Variants in RASGEF1A observed in about 807,000 individuals in gnomAD.
RASGEF1A encodes the protein ras-GEF domain-containing family member 1A.
A neutral mutation model predicts 56.4 loss-of-function variants in RASGEF1A; 18 were observed. The ratio of observed to expected loss-of-function variants is 0.32; its 90% CI spans 0.22 to 0.47. The LOEUF (loss-of-function observed/expected upper bound fraction) is 0.47. RASGEF1A is among the 20% of genes least tolerant of loss of function. RASGEF1A has a pLI of 1.00. For missense variants in RASGEF1A, 422 were observed against 627.1 expected (o/e 0.67, Z 3.49); for synonymous variants, 245 against 242.6 (o/e 1.01, Z -0.09).
At position 43,194,870 on chromosome 10, in the gene RASGEF1A, A is replaced by C. The variant is rs796271727; in HGVS notation, c.*1374T>G. 2 of 152,794 alleles carry C rather than the reference A, an allele frequency of 1.3e-5. No homozygotes were observed. The highest frequency in any genetic ancestry group is 4.8e-5 in the African/African-American group (2 of 41,588). The allele number at this position is 152,794 out of a possible 1,614,324, so 9.5% of individuals were successfully genotyped here. ...TACAATCTGTACTAGCTAGAACCTC[A>C]GAAAGTGCAAACACACTGTGACAAT... On this transcript the variant is annotated 3_prime_UTR_variant, in exon 13 of 13. Transcript: ENST00000395810.
At chr10:43,204,302 G>C (rs540365975) in intron 2 of RASGEF1A, among the ~76,000 whole-genome samples, 11 of 152,168 alleles carry the variant, frequency 7.2e-5, no homozygotes, top group Non-Finnish European at 1.3e-4. Flanking sequence ...CCAGAAGCAA[G>C]CCAGGTTGTG....
intron 1 of RASGEF1A, among the ~76,000 whole-genome samples, chr10:43,230,894 G>A (rs1840357649): frequency 6.6e-6 from 1 of 152,206 alleles, no homozygotes; most frequent in Admixed American, 6.5e-5. Context: ...GCTGTGCTGG[G>A]TTCATTCACT....
chr10:43,197,067 C>A lies in RASGEF1A; in HGVS notation c.1257G>T (p.Glu419Asp). 1 of 1,613,994 alleles carries A rather than the reference C, an allele frequency of 6.2e-7. No individual in the cohort carries two copies. Among genetic ancestry groups the A allele is most frequent in the Non-Finnish European group, 8.5e-7 (1 of 1,179,866 alleles). Residue 419 changes from glutamate to aspartate, a missense_variant, in exon 11 of 13, where the codon GAG (glutamate) becomes GAT (aspartate). Coordinates refer to ENST00000395810, the MANE Select transcript of RASGEF1A (RefSeq NM_145313.4). Reference sequence around the variant, plus strand: ...ACTCTACCTGTGTCCATGTCATGAACTCATGGATCTGTCTGGAGATCTCCC... The same window carrying A: ...ACTCTACCTGTGTCCATGTCATGAAATCATGGATCTGTCTGGAGATCTCCC... ...KFWEISRQIH[E>D]FMTWTQVECP...
chr10:43,247,456 A>T (rs1201965739), intron 1 of RASGEF1A, among the ~76,000 whole-genome samples: 3 of 152,252 alleles, frequency 2.0e-5, no homozygotes, highest in Admixed American at 6.5e-5. Context: ...AAACTTGTGC[A>T]CAAATGTTCA....
intron 5 of RASGEF1A, among the ~76,000 whole-genome samples, 156 bp downstream of exon 5, chr10:43,200,511 C>A (rs376930583): frequency 2.0e-5 from 3 of 152,204 alleles, no homozygotes; most frequent in African/African-American, 7.2e-5. Flanking sequence ...GCCACTCAGA[C>A]GGACACACAT....
intron 1 of RASGEF1A, chr10:43,207,747 C>T (rs1840016707): frequency 4.1e-6 from 4 of 976,980 alleles, no homozygotes; most frequent in African/African-American, 1.8e-5. Context: ...TAGCCCCAGA[C>T]CTGCTGGTCA....
intron 1 of RASGEF1A, among the ~76,000 whole-genome samples, chr10:43,247,348 C>CT (rs35456484): frequency 0.76 from 116,065 of 152,108 alleles, 44,438 homozygotes; most frequent in East Asian, 0.96. Context: ...AGAAAATGAT[C>CT]GGTATAGTTC....
In RASGEF1A at chr10:43,196,664, G is replaced by T; in HGVS notation, c.1349-116C>A. On this transcript the variant is annotated intron_variant, in intron 11 of 12. Coordinates refer to ENST00000395810, the MANE Select transcript of RASGEF1A (RefSeq NM_145313.4). This position sits in a 1 kb window ranked among gnomAD's most constrained non-coding sequence, Gnocchi z 4.6. ...GGGGACAGTGACCTCTGGCTGGGCT[G>T]AACACAGTTCTCTGCTGTGCGGGGC... The T allele has an allele frequency of 9.9e-7, 1 of 1,010,918 alleles. No homozygotes were observed. 62.6% of individuals were successfully genotyped at this position (1,010,918 alleles called of 1,614,324 possible). A position where few individuals can be genotyped will look rare whatever the true frequency, so the allele number is the denominator to read the frequency against.
intron 1 of RASGEF1A, among the ~76,000 whole-genome samples, chr10:43,232,946 G>A (rs1231109935): frequency 6.6e-6 from 1 of 152,172 alleles, no homozygotes; most frequent in Non-Finnish European, 1.5e-5. Flanking sequence ...TGAAGGCAGA[G>A]TCCTAACGAA....
chr10:43,258,587 T>C (rs1030288584), intron 1 of RASGEF1A, among the ~76,000 whole-genome samples: 3 of 152,210 alleles, frequency 2.0e-5, no homozygotes, highest in Non-Finnish European at 4.4e-5. Context: ...AGCTCAGTTT[T>C]GGTGGGCCGA....
intron 1 of RASGEF1A, among the ~76,000 whole-genome samples, chr10:43,245,821 A>C (rs1035679691): frequency 1.3e-5 from 2 of 152,194 alleles, no homozygotes; most frequent in Admixed American, 1.3e-4. Flanking sequence ...ATTGTAGAAG[A>C]CCAAAAGCTT....
intron 1 of RASGEF1A, among the ~76,000 whole-genome samples, chr10:43,219,795 T>C (rs1302340612): frequency 6.6e-6 from 1 of 152,176 alleles, no homozygotes; most frequent in Non-Finnish European, 1.5e-5. Context: ...ATAAAAGACA[T>C]ATGGTTCTTT....
chr10:43,221,297 G>A (rs1298824727), intron 1 of RASGEF1A, among the ~76,000 whole-genome samples: 1 of 152,198 alleles, frequency 6.6e-6, no homozygotes, highest in African/African-American at 2.4e-5. Context: ...CCATGAATTT[G>A]TAAGCATTTA....
intron 2 of RASGEF1A, chr10:43,203,889 T>TGGAGCGGGGCCTCATCAGCA: frequency 1.7e-6 from 1 of 592,184 alleles, no homozygotes; most frequent in South Asian, 7.3e-5. Context: ...GGCTGATCCA[T>TGGAGCGGGGCCTCATCAGCA]GGGGCGGGGC....
intron 1 of RASGEF1A, among the ~76,000 whole-genome samples, chr10:43,265,324 C>T (rs1836604160): frequency 6.6e-6 from 1 of 152,254 alleles, no homozygotes; most frequent in South Asian, 2.1e-4. Flanking sequence ...CCTGGGATAC[C>T]TGCTTGGTTC....
intron 1 of RASGEF1A, among the ~76,000 whole-genome samples, chr10:43,212,790 A>C (rs1035141750): frequency 2.0e-5 from 3 of 152,212 alleles, no homozygotes; most frequent in African/African-American, 4.8e-5. Context: ...AATACACCTC[A>C]GGGGAGAGGC....
chr10:43,196,654 T>A lies in RASGEF1A; in HGVS notation c.1349-106A>T. 1.8e-6 allele frequency: 2 copies of A among 1,081,358 alleles called. No individual in the cohort carries two copies. The highest frequency in any genetic ancestry group is 1.8e-5 in the Admixed American group (1 of 56,496). The allele number at this position is 1,081,358 out of a possible 1,614,324, so 67.0% of individuals were successfully genotyped here. Reference sequence around the variant, plus strand: ...CCCAGCACAAGGGGACAGTGACCTCTGGCTGGGCTGAACACAGTTCTCTGC... The same window carrying A: ...CCCAGCACAAGGGGACAGTGACCTCAGGCTGGGCTGAACACAGTTCTCTGC... On this transcript the variant is annotated intron_variant, in intron 11 of 12. Transcript: ENST00000395810. This position sits in a 1 kb window ranked among gnomAD's most constrained non-coding sequence, Gnocchi z 4.6.
At chr10:43,204,527 GC>G (rs1839965010) in intron 2 of RASGEF1A, among the ~76,000 whole-genome samples, 2 of 152,222 alleles carry the variant, frequency 1.3e-5, no homozygotes, top group African/African-American at 4.8e-5. Context: ...TGGAGGAAAG[GC>G]CCACCATGGA....
chr10:43,211,766 C>G (rs1441681862), intron 1 of RASGEF1A, among the ~76,000 whole-genome samples: 4 of 152,206 alleles, frequency 2.6e-5, no homozygotes, highest in Non-Finnish European at 5.9e-5. Flanking sequence ...CCTGCAGTTG[C>G]AGATCCTGGG....
Sources: allele counts gnomAD v4.1 joint callset (sites outside exome capture counted in the v4.1 genomes callset), GRCh38; gene constraint gnomAD v4.1.1; non-coding constraint Gnocchi (gnomAD v3.1); transcripts MANE v1.5; gene names NCBI Gene and HGNC (gene_info 2026-07-23, HGNC 2026-07-21).